DCT: variants seen among roughly 807,000 people sequenced by gnomAD.
DCT encodes dopachrome tautomerase, also known as L-dopachrome tautomerase.
A neutral mutation model predicts 53.0 loss-of-function variants in DCT; 47 were observed. That is an observed-to-expected ratio of 0.89 (90% CI 0.70 to 1.13). The LOEUF (loss-of-function observed/expected upper bound fraction) is 1.13, where lower values mean the gene tolerates loss of function less well. DCT is among the 50% of genes most tolerant of loss of function. The pLI is 0.00. For synonymous variants in DCT, 244 were observed against 237.0 expected (o/e 1.03, Z -0.27); for missense variants, 669 against 637.4 (o/e 1.05, Z -0.53).
chr13:94,517,421 C>T, the DCT span, among the ~76,000 whole-genome samples: 1 of 152,158 alleles, frequency 6.6e-6, no homozygotes, highest in Non-Finnish European at 1.5e-5. Context: ...ACTCTCATCA[C>T]CTGAAACTGT....
chr13:94,547,496 C>T, the DCT span, among the ~76,000 whole-genome samples: 1 of 152,076 alleles, frequency 6.6e-6, no homozygotes, highest in Non-Finnish European at 1.5e-5. Context: ...GCCCTTCAGT[C>T]GAATTCTTTC....
the DCT span, among the ~76,000 whole-genome samples, chr13:94,545,761 C>CAT: frequency 3.9e-5 from 6 of 152,084 alleles, no homozygotes; most frequent in East Asian, 1.2e-3. Flanking sequence ...TCCTTCATTT[C>CAT]ATATATATAA....
rs369813621 is a variant in DCT, at chr13:94,465,862, C to T, written c.697-63G>A. On this transcript the variant is annotated intron_variant, in intron 3 of 7. Transcript: ENST00000377028. ...CCATCAGATACAACAAGAAAGCATA[C>T]AAGGCAAAGGCTGATATGTATCTGA... 145 of 1,443,516 alleles carry T rather than the reference C, an allele frequency of 1.0e-4. No individual in the cohort carries two copies. In the African/African-American group the frequency reaches 1.5e-3, roughly 15 times the overall value. 89.4% of individuals were successfully genotyped at this position (1,443,516 alleles called of 1,614,324 possible).
the DCT span, among the ~76,000 whole-genome samples, chr13:94,502,720 C>T: frequency 6.6e-6 from 1 of 152,038 alleles, no homozygotes; most frequent in Non-Finnish European, 1.5e-5. Flanking sequence ...TCTTCATTTT[C>T]CTCAGTCATC....
At chr13:94,495,114 T>A in the DCT span, among the ~76,000 whole-genome samples, 19 of 152,316 alleles carry the variant, frequency 1.2e-4, no homozygotes, top group South Asian at 6.2e-4. Flanking sequence ...TCTTTTTTTT[T>A]AAAACAGGGT....
Position 94,437,898 on chromosome 13 carries a change from T to A in DCT, c.*2000A>T, listed in dbSNP as rs1305127510. 6.6e-6 allele frequency: 1 copy of A among 152,134 alleles called. No individual in the cohort carries two copies. The highest frequency in any genetic ancestry group is 1.5e-5 in the Non-Finnish European group (1 of 68,012). 9.4% of individuals were successfully genotyped at this position (152,134 alleles called of 1,614,324 possible). ...CACTACAGATAAAAGCAGCTAAGTA[T>A]AATCGATTACTATTTTTTCCTACCT... On this transcript the variant is annotated 3_prime_UTR_variant, in exon 8 of 8. Transcript: ENST00000377028.
Position 94,479,519 on chromosome 13 carries a change from A to C in DCT, c.-264T>G. 7.7e-6 allele frequency: 3 copies of C among 388,184 alleles called. No individual in the cohort carries two copies. Among genetic ancestry groups the C allele is most frequent in the South Asian group, 5.0e-5 (1 of 20,050 alleles). 24.0% of individuals were successfully genotyped at this position (388,184 alleles called of 1,614,324 possible). A position where few individuals can be genotyped will look rare whatever the true frequency, so the allele number is the denominator to read the frequency against. ...TCCTTAGAAGCGCCTCTAACAACCA[A>C]ATTTAATGAGGGTAGCGCTTCTCAC... On this transcript the variant is annotated 5_prime_UTR_variant, in exon 1 of 8. In the 5' UTR this introduces an upstream ATG that the reference lacks. Coordinates refer to ENST00000377028, the MANE Select transcript of DCT (RefSeq NM_001922.5).
chr13:94,525,249 C>A, the DCT span, among the ~76,000 whole-genome samples: 1 of 152,012 alleles, frequency 6.6e-6, no homozygotes, highest in East Asian at 1.9e-4. Context: ...TACAGGCATG[C>A]ACCACCATAC....
intron 7 of DCT, among the ~76,000 whole-genome samples, chr13:94,441,810 G>T (rs1882337669): frequency 6.6e-6 from 1 of 152,126 alleles, no homozygotes; most frequent in Admixed American, 6.5e-5. Context: ...ATGAACATGG[G>T]TGTGCAAATA....
intron 7 of DCT, among the ~76,000 whole-genome samples, chr13:94,441,263 G>T (rs2139269490): frequency 6.6e-6 from 1 of 152,114 alleles, no homozygotes; most frequent in South Asian, 2.1e-4. Flanking sequence ...TTTTTATTCT[G>T]CCATTTCTTT....
the DCT span, among the ~76,000 whole-genome samples, chr13:94,510,868 C>G: frequency 6.6e-6 from 1 of 152,212 alleles, no homozygotes; most frequent in Non-Finnish European, 1.5e-5. Context: ...ATCTACTTGT[C>G]CACTAGACAA....
At chr13:94,503,284 G>A in the DCT span, among the ~76,000 whole-genome samples, 1 of 151,946 alleles carries the variant, frequency 6.6e-6, no homozygotes, top group Non-Finnish European at 1.5e-5. Flanking sequence ...GGAAGCTGAG[G>A]TAGGAGGATT....
At chr13:94,496,522 A>G in the DCT span, among the ~76,000 whole-genome samples, 2 of 151,968 alleles carry the variant, frequency 1.3e-5, no homozygotes, top group Non-Finnish European at 2.9e-5. Context: ...CATTATTAAC[A>G]TTTTCACTCA....
At chr13:94,515,220 T>C in the DCT span, among the ~76,000 whole-genome samples, 3 of 152,352 alleles carry the variant, frequency 2.0e-5, no homozygotes, top group South Asian at 6.2e-4. Context: ...CCTCCTAGTC[T>C]ATGGTACTCT....
intron 4 of DCT, among the ~76,000 whole-genome samples, chr13:94,463,349 C>T (rs933376513): frequency 2.7e-5 from 4 of 150,300 alleles, no homozygotes; most frequent in African/African-American, 7.4e-5. Flanking sequence ...TACAATGGCA[C>T]ACTGCAACCT....
At chr13:94,520,216 C>T in the DCT span, among the ~76,000 whole-genome samples, 1 of 152,144 alleles carries the variant, frequency 6.6e-6, no homozygotes, top group African/African-American at 2.4e-5. Flanking sequence ...AAGGAAAAGA[C>T]AACCCTTTGT....
chr13:94,517,292 G>C, the DCT span, among the ~76,000 whole-genome samples: 1 of 152,142 alleles, frequency 6.6e-6, no homozygotes, highest in Non-Finnish European at 1.5e-5. Flanking sequence ...TTTCCAATGA[G>C]GCTTCAAGGT....
chr13:94,440,158 C>G (rs916061708), intron 7 of DCT, 82 bp from the exon 8 acceptor site: 4 of 1,164,512 alleles, frequency 3.4e-6, no homozygotes, highest in Middle Eastern at 2.0e-4. Flanking sequence ...AGCGCACTTG[C>G]CTTTCACGTG....
chr13:94,472,985 G>A (rs1193457545), intron 1 of DCT, among the ~76,000 whole-genome samples: 1 of 152,124 alleles, frequency 6.6e-6, no homozygotes, highest in Non-Finnish European at 1.5e-5. Context: ...TGACTATACT[G>A]TGCACATCTT....
Sources: gnomAD v4.1 joint callset for allele counts (sites outside exome capture counted in the v4.1 genomes callset) on GRCh38, gnomAD v4.1.1 for gene constraint, MANE v1.5 for transcripts, NCBI Gene and HGNC (gene_info 2026-07-23, HGNC 2026-07-21) for gene names.